Variants in PPP3R1 observed in about 807,000 individuals in gnomAD.
PPP3R1 encodes calcineurin subunit B type 1.
In PPP3R1, 5 loss-of-function variants were observed where a neutral mutation model predicts 22.6. That is an observed-to-expected ratio of 0.22 (90% confidence interval 0.12 to 0.46). The LOEUF is 0.46. Ranked by LOEUF, PPP3R1 falls within the 20% of genes least tolerant of loss-of-function variation. PPP3R1 has a pLI of 0.99. For synonymous variants in PPP3R1, 56 were observed against 65.2 expected (o/e 0.86, Z 0.68); for missense variants, 61 against 203.2 (o/e 0.30, Z 4.25).
chr2:68,194,519 T>A (rs369757689), intron 2 of PPP3R1, among the ~76,000 whole-genome samples: 1 of 152,086 alleles, frequency 6.6e-6, no homozygotes, highest in Non-Finnish European at 1.5e-5. Flanking sequence ...TTCATCACAC[T>A]TTCAGATGAT....
rs201113610 is a variant in PPP3R1, at chr2:68,215,323, A to AC, written c.43+1768dup. Among the ~76,000 whole-genome samples the AC allele has an allele frequency of 5.6e-4, 84 of 150,628 alleles. 1 individual carries two copies. Among genetic ancestry groups the AC allele is most frequent in the East Asian group, 2.7e-3 (14 of 5,154 alleles). ...ACATGAGGTACACCTATATTCCAAA[A>AC]CCCCCCCCAAAATTCAAAACCCAAA... On this transcript the variant is annotated intron_variant, in intron 2 of 5. Transcript: ENST00000234310.
chr2:68,200,346 T>C (rs1489455977), intron 2 of PPP3R1, among the ~76,000 whole-genome samples: 1 of 152,138 alleles, frequency 6.6e-6, no homozygotes, highest in African/African-American at 2.4e-5. Context: ...CCTCCTTATA[T>C]AAAAAATGAC....
chr2:68,189,736 G>A (rs6746021), intron 2 of PPP3R1, among the ~76,000 whole-genome samples: 3,868 of 152,058 alleles, frequency 0.025, 150 homozygotes, highest in African/African-American at 0.085. Flanking sequence ...GGGCATGGTG[G>A]CACGCACCTC....
At chr2:68,248,572 G>C (rs1322726301) in intron 1 of PPP3R1, among the ~76,000 whole-genome samples, 4 of 152,294 alleles carry the variant, frequency 2.6e-5, no homozygotes, top group African/African-American at 9.6e-5. Flanking sequence ...CTCATCTCCA[G>C]AATTTTGGAT....
chr2:68,182,607 G>A (rs545821920), intron 5 of PPP3R1, among the ~76,000 whole-genome samples: 20 of 149,318 alleles, frequency 1.3e-4, no homozygotes, highest in Admixed American at 1.1e-3. Flanking sequence ...CTTGAGGTCA[G>A]GAGTTCAAGA....
intron 1 of PPP3R1, 131 bp from the exon 2 acceptor site, chr2:68,217,262 A>T (rs1669598275): frequency 1.9e-6 from 1 of 539,132 alleles, no homozygotes; most frequent in African/African-American, 1.9e-5. Context: ...ACATATATAA[A>T]TTACATTTAT....
At chr2:68,238,177 G>C (rs1670052366) in intron 1 of PPP3R1, among the ~76,000 whole-genome samples, 1 of 151,888 alleles carries the variant, frequency 6.6e-6, no homozygotes, top group African/African-American at 2.4e-5. Context: ...TCTGCATTAA[G>C]TGACAGATAC....
chr2:68,189,359 AAGAG>A (rs770987742), intron 2 of PPP3R1, among the ~76,000 whole-genome samples: 2 of 152,220 alleles, frequency 1.3e-5, no homozygotes, highest in Non-Finnish European at 2.9e-5. Context: ...AACACTTTAA[AAGAG>A]AAAGAATAAC....
At chr2:68,216,997 T>C (rs902041620) in intron 2 of PPP3R1, 95 bp downstream of exon 2, 8 of 899,118 alleles carry the variant, frequency 8.9e-6, no homozygotes, top group African/African-American at 1.8e-5. Flanking sequence ...TAAATATACA[T>C]TACAGAGGTA....
At chr2:68,202,422 TTG>T (rs1674999737) in intron 2 of PPP3R1, among the ~76,000 whole-genome samples, 1 of 144,558 alleles carries the variant, frequency 6.9e-6, no homozygotes, top group South Asian at 2.1e-4. Flanking sequence ...GTTGTTGTTG[TTG>T]TTGTTGTTGT....
intron 2 of PPP3R1, among the ~76,000 whole-genome samples, chr2:68,211,132 CG>C (rs1360642948): frequency 6.6e-6 from 1 of 152,132 alleles, no homozygotes; most frequent in Admixed American, 6.5e-5. Context: ...TGCGGCTGGG[CG>C]CGGTGGCTCA....
At chr2:68,202,792 A>ATTTTTTTTTTTTTTTTTTTTTT (rs71395958) in intron 2 of PPP3R1, among the ~76,000 whole-genome samples, 2 of 81,214 alleles carry the variant, frequency 2.5e-5, no homozygotes, top group African/African-American at 1.2e-4. Flanking sequence ...AGTTCAGGGA[A>ATTTTTTTTTTTTTTTTTTTTTT]TTTTTTTTTT....
At chr2:68,208,320 T>C (rs1669378904) in intron 2 of PPP3R1, among the ~76,000 whole-genome samples, 1 of 152,232 alleles carries the variant, frequency 6.6e-6, no homozygotes, top group Admixed American at 6.5e-5. Flanking sequence ...CACTATAGTC[T>C]ACAAGAGGGT....
chr2:68,228,230 T>C (rs77227574), intron 1 of PPP3R1, among the ~76,000 whole-genome samples: 9,859 of 152,268 alleles, frequency 0.065, 392 homozygotes, highest in Middle Eastern at 0.21. Flanking sequence ...CTTGCACCCA[T>C]AAAACCACCA....
chr2:68,187,366 A>G, intron 3 of PPP3R1, 52 bp from the exon 4 acceptor site: 1 of 1,440,328 alleles, frequency 6.9e-7, no homozygotes, highest in Non-Finnish European at 9.6e-7. Flanking sequence ...TTTTTTACAC[A>G]AAAAACATAT....
chr2:68,190,287 G>A (rs984147627), intron 2 of PPP3R1, among the ~76,000 whole-genome samples: 59 of 147,820 alleles, frequency 4.0e-4, no homozygotes, highest in Non-Finnish European at 8.2e-4. Context: ...AAAAAAGGCC[G>A]GGTGCAGTGG....
At chr2:68,184,867 C>G (rs950777735) in intron 5 of PPP3R1, among the ~76,000 whole-genome samples, 1 of 152,160 alleles carries the variant, frequency 6.6e-6, no homozygotes, top group South Asian at 2.1e-4. Context: ...ATGGGACGAT[C>G]GCTTGAAGCT....
At chr2:68,200,101 A>T (rs1572958096) in intron 2 of PPP3R1, among the ~76,000 whole-genome samples, 1 of 152,046 alleles carries the variant, frequency 6.6e-6, no homozygotes, top group Non-Finnish European at 1.5e-5. Flanking sequence ...AAGGCTATTA[A>T]GATTTACTAT....
chr2:68,207,114 C>CAAAAA (rs11414850), intron 2 of PPP3R1, among the ~76,000 whole-genome samples: 1 of 134,796 alleles, frequency 7.4e-6, no homozygotes. Flanking sequence ...AAAAAAAAAG[C>CAAAAA]AAAAAAAAAA....
Sources: allele counts gnomAD v4.1 joint callset (sites outside exome capture counted in the v4.1 genomes callset), GRCh38; gene constraint gnomAD v4.1.1; transcripts MANE v1.5; gene names NCBI Gene and HGNC (gene_info 2026-07-23, HGNC 2026-07-21).